The following FOXO3 variants were observed in gnomAD, a reference collection of about 807,000 sequenced individuals.
FOXO3 encodes the protein forkhead box O3.
FOXO3 carries 4 observed loss-of-function variants against 41.9 expected under a neutral mutation model. That is an observed-to-expected ratio of 0.10 (90% CI 0.05 to 0.22). The LOEUF is 0.22. FOXO3 is among the 10% of genes least tolerant of loss of function. The pLI is 1.00. For missense variants in FOXO3, 534 were observed against 906.8 expected (o/e 0.59, Z 5.28); for synonymous variants, 318 against 389.3 (o/e 0.82, Z 2.16).
chr6:108,586,789 G>A (rs1028981136), intron 1 of FOXO3, among the ~76,000 whole-genome samples: 1 of 151,992 alleles, frequency 6.6e-6, no homozygotes, highest in Non-Finnish European at 1.5e-5. Flanking sequence ...CAACAGCAGT[G>A]TATTGGTGTA....
chr6:108,664,936 G>C, intron 2 of FOXO3, 47 bp downstream of exon 2: 1 of 1,532,364 alleles, frequency 6.5e-7, no homozygotes, highest in Non-Finnish European at 8.8e-7. Flanking sequence ...TGGGGATGAG[G>C]GGGGATCTCT....
rs774972261 is a variant in FOXO3, at chr6:108,663,623, C to T, written c.790C>T (p.Arg264Cys). Residue 264 changes from arginine (R) to cysteine (C), a missense_variant, in exon 2 of 3, where the codon CGT (arginine) becomes TGT (cysteine). By Grantham distance (180) the Arg-to-Cys change is radical (BLOSUM62 -3). Coordinates refer to ENST00000406360, the MANE Select transcript of FOXO3 (RefSeq NM_001455.4). ...MDNSNKYTKS[R>C]GRAAKKKAAL... ...CAATAGCAACAAGTATACCAAGAGC[C>T]GTGGCCGCGCAGCCAAGAAGAAGGC... The T allele has an allele frequency of 2.5e-6, 4 of 1,613,366 alleles. No homozygotes were observed. Among genetic ancestry groups the T allele is most frequent in the South Asian group, 2.2e-5 (2 of 91,046 alleles).
intron 1 of FOXO3, among the ~76,000 whole-genome samples, chr6:108,599,895 A>G (rs751018169): frequency 2.6e-4 from 40 of 152,202 alleles, no homozygotes; most frequent in Non-Finnish European, 4.4e-4. Flanking sequence ...ACATTTCAGC[A>G]AAATATTGGG....
At chr6:108,665,212 A>G (rs1310971435) in intron 2 of FOXO3, among the ~76,000 whole-genome samples, 1 of 152,150 alleles carries the variant, frequency 6.6e-6, no homozygotes, top group Non-Finnish European at 1.5e-5. Flanking sequence ...AGGTTGCCCT[A>G]CTTGATGGAT....
chr6:108,648,616 G>A (rs1447746918), intron 1 of FOXO3, among the ~76,000 whole-genome samples: 1 of 152,118 alleles, frequency 6.6e-6, no homozygotes, highest in Non-Finnish European at 1.5e-5. Flanking sequence ...AGAGAAGAAA[G>A]ATGGCTAGAG....
intron 2 of FOXO3, among the ~76,000 whole-genome samples, chr6:108,679,432 T>C (rs1042852671): frequency 3.9e-5 from 6 of 152,114 alleles, no homozygotes; most frequent in Non-Finnish European, 7.4e-5. Flanking sequence ...TGTTTTAGCA[T>C]GGAAAGTCCC....
chr6:108,587,655 A>G (rs189719821), intron 1 of FOXO3, among the ~76,000 whole-genome samples: 349 of 152,322 alleles, frequency 2.3e-3, no homozygotes, highest in Admixed American at 3.2e-3. Flanking sequence ...TGTTCCTGCA[A>G]ACAGACAAGG....
At chr6:108,588,993 A>G (rs1417802067) in intron 1 of FOXO3, among the ~76,000 whole-genome samples, 1 of 152,248 alleles carries the variant, frequency 6.6e-6, no homozygotes, top group Non-Finnish European at 1.5e-5. Context: ...TCTGCAGTAT[A>G]GCATTTAAAA....
intron 2 of FOXO3, among the ~76,000 whole-genome samples, chr6:108,670,626 C>T (rs1325807747): frequency 6.6e-6 from 1 of 152,070 alleles, no homozygotes; most frequent in African/African-American, 2.4e-5. Flanking sequence ...ATATGTTATG[C>T]AGTGTTTCCT....
chr6:108,625,524 A>C (rs866168054), intron 1 of FOXO3, among the ~76,000 whole-genome samples: 1 of 152,252 alleles, frequency 6.6e-6, no homozygotes, highest in Non-Finnish European at 1.5e-5. Context: ...TTAATCAATA[A>C]ATTTTAACTT....
At chr6:108,644,752 A>G (rs1367679004) in intron 1 of FOXO3, among the ~76,000 whole-genome samples, 1 of 152,190 alleles carries the variant, frequency 6.6e-6, no homozygotes, top group African/African-American at 2.4e-5. Flanking sequence ...CTCCTCCTGC[A>G]GGTCTTAAGT....
intron 1 of FOXO3, among the ~76,000 whole-genome samples, chr6:108,660,193 T>C (rs560378315): frequency 6.6e-6 from 1 of 152,284 alleles, no homozygotes; most frequent in East Asian, 1.9e-4. Flanking sequence ...GTGACCTGAA[T>C]TGTAGATCCA....
chr6:108,564,055 A>T (rs1484170962), intron 1 of FOXO3, among the ~76,000 whole-genome samples: 1 of 152,176 alleles, frequency 6.6e-6, no homozygotes, highest in Non-Finnish European at 1.5e-5. Context: ...TATGCTTAAT[A>T]CAGGGCACAC....
At chr6:108,678,967 G>A (rs891201325) in intron 2 of FOXO3, among the ~76,000 whole-genome samples, 1 of 138,946 alleles carries the variant, frequency 7.2e-6, no homozygotes, top group African/African-American at 2.5e-5. Context: ...TGCCTCTCAG[G>A]TTCACGCCAT....
chr6:108,579,130 TAAAAC>T (rs150006609), intron 1 of FOXO3, among the ~76,000 whole-genome samples: 1,628 of 152,286 alleles, frequency 0.011, 32 homozygotes, highest in African/African-American at 0.037. Flanking sequence ...TCATAAACAC[TAAAAC>T]AAAACAAAAC....
chr6:108,608,927 A>C (rs1777281434), intron 1 of FOXO3, among the ~76,000 whole-genome samples: 1 of 152,178 alleles, frequency 6.6e-6, no homozygotes, highest in Non-Finnish European at 1.5e-5. Context: ...TTGCTTAAGC[A>C]GTTAATGCTC....
intron 1 of FOXO3, among the ~76,000 whole-genome samples, chr6:108,607,237 A>G (rs1249863922): frequency 3.3e-5 from 5 of 152,120 alleles, no homozygotes; most frequent in African/African-American, 1.2e-4. Flanking sequence ...AGATCACTTG[A>G]GCTCAGGAGT....
Position 108,604,060 on chromosome 6 carries a change from C to G in FOXO3, c.621+42231C>G, listed in dbSNP as rs113941090. Among the ~76,000 whole-genome samples, 997 of 152,128 alleles carry G rather than the reference C, an allele frequency of 6.6e-3. 14 individuals are homozygous for G. Among genetic ancestry groups the G allele is most frequent in the African/African-American group, 0.023 (959 of 41,494 alleles). ...GATCACATCCTGCAAACAACTGCAG[C>G]CTCAGACTACTTTGACTAAAAGGAT... On this transcript the variant is annotated intron_variant, in intron 1 of 2. Coordinates refer to ENST00000406360, the MANE Select transcript of FOXO3 (RefSeq NM_001455.4).
intron 1 of FOXO3, among the ~76,000 whole-genome samples, chr6:108,644,294 G>A (rs777706661): frequency 2.6e-5 from 4 of 152,188 alleles, no homozygotes; most frequent in Non-Finnish European, 2.9e-5. Context: ...GAGATAGTAC[G>A]TATGAAACAC....
Sources: allele counts gnomAD v4.1 joint callset (sites outside exome capture counted in the v4.1 genomes callset), GRCh38; gene constraint gnomAD v4.1.1; transcripts MANE v1.5; gene names NCBI Gene and HGNC (gene_info 2026-07-23, HGNC 2026-07-21).